The following GPC5 variants were observed in gnomAD, a reference collection of about 807,000 sequenced individuals.
GPC5 encodes glypican-5.
In GPC5, 47 loss-of-function variants were observed where a neutral mutation model predicts 53.9. The observed-to-expected ratio is 0.87, with a 90% confidence interval of 0.69 to 1.11. The LOEUF (loss-of-function observed/expected upper bound fraction) is 1.11, where lower values mean the gene tolerates loss of function less well. Among genes scored for constraint, GPC5 ranks in the 50% most tolerant of loss-of-function variants. The pLI, the probability that GPC5 is intolerant of heterozygous loss-of-function variation, is 0.00. For synonymous variants in GPC5, 286 were observed against 263.3 expected (o/e 1.09, Z -0.84); for missense variants, 748 against 713.1 (o/e 1.05, Z -0.56).
chr13:91,609,217 G>A (rs188264952), intron 2 of GPC5, among the ~76,000 whole-genome samples: 67 of 151,200 alleles, frequency 4.4e-4, no homozygotes, highest in African/African-American at 1.5e-3. Flanking sequence ...AATAAGATTC[G>A]AATGCTGTAT....
At chr13:91,547,945 T>C (rs1271935595) in intron 2 of GPC5, among the ~76,000 whole-genome samples, 2 of 151,974 alleles carry the variant, frequency 1.3e-5, no homozygotes, top group Admixed American at 1.3e-4. Context: ...CGAAATAAAT[T>C]AGGAATAGAG....
chr13:92,343,187 G>C (rs1243231076), intron 7 of GPC5, among the ~76,000 whole-genome samples: 1 of 152,090 alleles, frequency 6.6e-6, no homozygotes, highest in African/African-American at 2.4e-5. Context: ...AGAAAGCACT[G>C]GGTGTTGCCA....
At chr13:91,649,181 G>C (rs1348663) in intron 2 of GPC5, among the ~76,000 whole-genome samples, 36,319 of 151,948 alleles carry the variant, frequency 0.24, 5,571 homozygotes, top group African/African-American at 0.42. Context: ...CCTCCCCAGC[G>C]CTGTGGAACT....
At chr13:92,766,138 T>C (rs543056419) in intron 7 of GPC5, among the ~76,000 whole-genome samples, 3 of 152,148 alleles carry the variant, frequency 2.0e-5, no homozygotes, top group Non-Finnish European at 4.4e-5. Flanking sequence ...ATAGAGAATC[T>C]CTAAAGCTCT....
chr13:91,701,803 T>G (rs2035999018), intron 3 of GPC5, among the ~76,000 whole-genome samples: 1 of 152,228 alleles, frequency 6.6e-6, no homozygotes, highest in East Asian at 1.9e-4. Context: ...ATCTTTTCGA[T>G]GTATACCCAA....
intron 6 of GPC5, among the ~76,000 whole-genome samples, chr13:92,044,003 T>C (rs1594741103): frequency 6.6e-6 from 1 of 152,192 alleles, no homozygotes; most frequent in African/African-American, 2.4e-5. Flanking sequence ...TCTGGAATAA[T>C]TATCAGTGCA....
intron 2 of GPC5, among the ~76,000 whole-genome samples, chr13:91,546,525 TA>T (rs1200241165): frequency 6.6e-6 from 1 of 152,124 alleles, no homozygotes; most frequent in Non-Finnish European, 1.5e-5. Context: ...ATCAATTTTT[TA>T]AAATTTTTTC....
chr13:91,873,185 A>G (rs968451987), intron 5 of GPC5, among the ~76,000 whole-genome samples: 1 of 152,228 alleles, frequency 6.6e-6, no homozygotes, highest in African/African-American at 2.4e-5. Flanking sequence ...ATGTCTTCCA[A>G]TCTAATCTGC....
chr13:92,419,838 G>A (rs987118123), intron 7 of GPC5, among the ~76,000 whole-genome samples: 4 of 152,030 alleles, frequency 2.6e-5, no homozygotes, highest in African/African-American at 7.2e-5. Context: ...ATATTTTTGG[G>A]TGGTCAGAGC....
intron 7 of GPC5, among the ~76,000 whole-genome samples, chr13:92,590,195 C>T (rs980978072): frequency 7.9e-5 from 12 of 152,134 alleles, no homozygotes; most frequent in Non-Finnish European, 1.5e-4. Context: ...AGTACCTCAA[C>T]GCCTTTCCCT....
At chr13:92,231,232 G>T (rs2042527838) in intron 7 of GPC5, among the ~76,000 whole-genome samples, 2 of 152,158 alleles carry the variant, frequency 1.3e-5, no homozygotes, top group African/African-American at 4.8e-5. Flanking sequence ...TTGATATAAT[G>T]TTTTGTCTTC....
At chr13:91,651,984 A>C (rs1358054164) in intron 2 of GPC5, among the ~76,000 whole-genome samples, 1 of 152,180 alleles carries the variant, frequency 6.6e-6, no homozygotes, top group Non-Finnish European at 1.5e-5. Flanking sequence ...TGGAGTTCTG[A>C]GTTAGGAGGT....
intron 6 of GPC5, among the ~76,000 whole-genome samples, chr13:92,117,740 A>G (rs1272046138): frequency 6.6e-6 from 1 of 152,180 alleles, no homozygotes; most frequent in East Asian, 1.9e-4. Flanking sequence ...ATTCTAAAAG[A>G]TAATTTTTGT....
intron 5 of GPC5, among the ~76,000 whole-genome samples, chr13:91,887,426 A>AT (rs1261735964): frequency 6.6e-6 from 1 of 152,070 alleles, no homozygotes; most frequent in African/African-American, 2.4e-5. Flanking sequence ...TCCTGGAGAC[A>AT]TTTTCTCATT....
At chr13:91,975,552 A>T (rs2040291861) in intron 6 of GPC5, among the ~76,000 whole-genome samples, 1 of 152,262 alleles carries the variant, frequency 6.6e-6, no homozygotes, top group Admixed American at 6.5e-5. Context: ...AGAGAAATGC[A>T]AATCAAAACC....
chr13:92,036,056 A>G (rs2040890721), intron 6 of GPC5, among the ~76,000 whole-genome samples: 1 of 152,200 alleles, frequency 6.6e-6, no homozygotes, highest in African/African-American at 2.4e-5. Context: ...TATCACATCA[A>G]CCATATGTAA....
Position 92,139,683 on chromosome 13 carries a change from A to AAAAAAGTGAAT in GPC5, c.1402-5145_1402-5144insAAAGTGAATAA, listed in dbSNP as rs1322526890. Among the ~76,000 whole-genome samples, 43 of 151,698 alleles carry AAAAAAGTGAAT rather than the reference A, an allele frequency of 2.8e-4. 1 individual carries two copies. In the East Asian group the frequency reaches 5.8e-3, roughly 21 times the overall value. ...TTCCGTCTCAAAAAAAAAAAAAAAA[A>AAAAAAGTGAAT]AAGTGTTATATTTAGAATATACTGA... On this transcript the variant is annotated intron_variant, in intron 6 of 7. Transcript: ENST00000377067.
At chr13:91,966,617 C>T (rs572817208) in intron 6 of GPC5, among the ~76,000 whole-genome samples, 4 of 152,282 alleles carry the variant, frequency 2.6e-5, no homozygotes, top group African/African-American at 7.2e-5. Flanking sequence ...ATTCTTACTG[C>T]ATCAATCAAA....
intron 6 of GPC5, among the ~76,000 whole-genome samples, chr13:91,962,080 T>C (rs2040131450): frequency 6.6e-6 from 1 of 152,152 alleles, no homozygotes. Context: ...TTAAATTCAT[T>C]TGACAGTTAA....
Sources: gnomAD v4.1 joint callset for allele counts (sites outside exome capture counted in the v4.1 genomes callset) on GRCh38, gnomAD v4.1.1 for gene constraint, MANE v1.5 for transcripts, NCBI Gene and HGNC (gene_info 2026-07-23, HGNC 2026-07-21) for gene names.